Variants in CYP4Z1 observed in about 807,000 individuals in gnomAD.
The protein encoded by CYP4Z1 is cytochrome P450 family 4 subfamily Z member 1.
In CYP4Z1, 41 loss-of-function variants were observed where a neutral mutation model predicts 54.2. The ratio of observed to expected loss-of-function variants is 0.76; its 90% CI spans 0.59 to 0.98. The LOEUF (loss-of-function observed/expected upper bound fraction) is 0.98, where lower values mean the gene tolerates loss of function less well. CYP4Z1 is among the 50% of genes least tolerant of loss of function. The pLI is 0.00. For missense variants in CYP4Z1, 513 were observed against 599.0 expected, an observed-to-expected ratio of 0.86 and a Z score of 1.50; for synonymous variants, 163 against 206.2, an observed-to-expected ratio of 0.79 and a Z score of 1.79.
chr1:47,101,551 C>T (rs1310895593), intron 8 of CYP4Z1, among the ~76,000 whole-genome samples: 11 of 151,982 alleles, frequency 7.2e-5, no homozygotes, highest in Non-Finnish European at 4.4e-5. Flanking sequence ...TGTATTTGTA[C>T]AGTTTCTAGA....
chr1:47,088,048 C>G (rs982467460), intron 6 of CYP4Z1, among the ~76,000 whole-genome samples: 1 of 152,178 alleles, frequency 6.6e-6, no homozygotes, highest in Admixed American at 6.5e-5. Flanking sequence ...ATGAAGCCCA[C>G]TTGATCATGG....
At chr1:47,116,231 T>C (rs1305482935) in intron 10 of CYP4Z1, among the ~76,000 whole-genome samples, 3 of 152,172 alleles carry the variant, frequency 2.0e-5, no homozygotes, top group Non-Finnish European at 2.9e-5. Context: ...CACCCCTTTT[T>C]TCTTTGCCCA....
intron 10 of CYP4Z1, among the ~76,000 whole-genome samples, chr1:47,116,263 G>A (rs1382272738): frequency 6.6e-6 from 1 of 152,086 alleles, no homozygotes; most frequent in Non-Finnish European, 1.5e-5. Context: ...CAGTCCATTT[G>A]GAAACCAAGA....
intron 11 of CYP4Z1, 24 bp downstream of exon 11, chr1:47,116,756 T>A: frequency 6.5e-7 from 1 of 1,549,974 alleles, no homozygotes. Flanking sequence ...CTGGTGAACT[T>A]GATGGAAATG....
intron 7 of CYP4Z1, chr1:47,096,715 A>G (rs10890452): frequency 0.43 from 63,078 of 147,752 alleles, 14,592 homozygotes; most frequent in East Asian, 0.97. Flanking sequence ...TGCAAACTCC[A>G]CCTCCCAGGT....
chr1:47,065,898 A>G (rs1644447040), upstream of CYP4Z1, among the ~76,000 whole-genome samples: 1 of 152,154 alleles, frequency 6.6e-6, no homozygotes, highest in South Asian at 2.1e-4. Flanking sequence ...ACTTCCATGA[A>G]TGCCTTTATA....
At position 47,115,029 on chromosome 1, in the gene CYP4Z1, A is replaced by G. The variant is rs561032905; in HGVS notation, c.1202-500A>G. Among the ~76,000 whole-genome samples, 29 of 152,292 alleles carry G rather than the reference A, an allele frequency of 1.9e-4. No homozygotes were observed. In the South Asian group the frequency reaches 5.8e-3, roughly 30 times the overall value. ...TATTGTGGCACTATTCACAATAGCA[A>G]AGACTTGGAACCAACCCAAATGTCC... On this transcript the variant is annotated intron_variant, in intron 9 of 11. Coordinates refer to ENST00000334194, the MANE Select transcript of CYP4Z1 (RefSeq NM_178134.3).
intron 4 of CYP4Z1, 112 bp downstream of exon 4, chr1:47,082,573 G>C: frequency 6.8e-7 from 1 of 1,467,148 alleles, no homozygotes; most frequent in Non-Finnish European, 9.1e-7. Context: ...AGTTTATATG[G>C]GGTTATTTGA....
chr1:47,091,776 T>G (rs561853482), intron 6 of CYP4Z1, among the ~76,000 whole-genome samples: 3 of 149,870 alleles, frequency 2.0e-5, no homozygotes, highest in Non-Finnish European at 4.5e-5. Flanking sequence ...CTAGTAGAGC[T>G]GTTATGACGA....
chr1:47,106,213 T>A lies in CYP4Z1; in HGVS notation c.1153T>A (p.Leu385Ile). 1 of 1,613,774 alleles carries A rather than the reference T, an allele frequency of 6.2e-7. No homozygotes were observed. The highest frequency in any genetic ancestry group is 2.2e-5 in the East Asian group (1 of 44,870). ...CGCACCGGTAGTAAACATATCCCGG[T>A]TACTCGACAAACCCATCACCTTTCC... is the stretch of plus-strand genomic sequence containing the variant. ...LYAPVVNISR[L>I]LDKPITFPDG... The change falls in exon 9 of 12, where the codon TTA becomes ATA. Residue 385 changes from leucine (L) to isoleucine (I), a missense_variant. By Grantham distance (5) the Leu-to-Ile change is conservative. Coordinates refer to ENST00000334194, the MANE Select transcript of CYP4Z1 (RefSeq NM_178134.3).
In CYP4Z1 at chr1:47,094,512, G is replaced by C. The variant is rs1644662342; in HGVS notation, c.773-54G>C. The C allele has an allele frequency of 4.7e-6, 6 of 1,266,054 alleles. No individual in the cohort carries two copies. The Middle Eastern group carries it at 5.9e-4, about 124-fold the overall frequency. 78.4% of individuals were successfully genotyped at this position (1,266,054 alleles called of 1,614,324 possible). A position where few individuals can be genotyped will look rare whatever the true frequency, so the allele number is the denominator to read the frequency against. On this transcript the variant is annotated intron_variant, in intron 6 of 11. Transcript: ENST00000334194. The stretch of plus-strand genomic sequence containing the variant: ...GCTTCTCAGAACTACATTTGGCTTT[G>C]ATTGACTTTCCAGTAACCTTGATAA...
chr1:47,096,210 G>A (rs908119284), intron 7 of CYP4Z1, among the ~76,000 whole-genome samples: 1 of 152,128 alleles, frequency 6.6e-6, no homozygotes, highest in African/African-American at 2.4e-5. Flanking sequence ...TTAAGGCCAG[G>A]AGTCTGAGAC....
In CYP4Z1 at chr1:47,107,984, C is replaced by T. The variant is rs1219640220; in HGVS notation, c.1201+1723C>T. Among the ~76,000 whole-genome samples, 5 of 152,326 alleles carry T rather than the reference C, an allele frequency of 3.3e-5. No homozygotes were observed. In the East Asian group the frequency reaches 9.6e-4, roughly 29 times the overall value. On this transcript the variant is annotated intron_variant, in intron 9 of 11. Coordinates refer to ENST00000334194, the MANE Select transcript of CYP4Z1 (RefSeq NM_178134.3). ...ACTCAGTTTTAGGCTACTTATACGT[C>T]ATCTCTGGTCTCCTGCAGTCTCTGC...
chr1:47,113,658 A>C (rs953072517), intron 9 of CYP4Z1, among the ~76,000 whole-genome samples: 9 of 152,242 alleles, frequency 5.9e-5, no homozygotes, highest in Non-Finnish European at 1.2e-4. Context: ...ATAACAGGCA[A>C]ACAGAGAGCC....
intron 8 of CYP4Z1, among the ~76,000 whole-genome samples, chr1:47,102,954 C>G (rs1644730863): frequency 6.6e-6 from 1 of 151,976 alleles, no homozygotes; most frequent in South Asian, 2.1e-4. Flanking sequence ...TCTGGGACAC[C>G]AAAAATTTGA....
chr1:47,103,577 TTTTTTTTTC>T (rs1165777121), intron 8 of CYP4Z1, among the ~76,000 whole-genome samples: 99 of 143,844 alleles, frequency 6.9e-4, no homozygotes, highest in Middle Eastern at 3.6e-3. Context: ...ACCTTCTTCT[TTTTTTTTTC>T]TTTTTTTTCT....
At chr1:47,094,729 C>T in intron 7 of CYP4Z1, 60 bp downstream of exon 7, 8 of 1,308,324 alleles carry the variant, frequency 6.1e-6, no homozygotes, top group Non-Finnish European at 8.6e-6. Context: ...AAGAAATAGG[C>T]CGGGCACAGT....
chr1:47,068,575 C>T lies in CYP4Z1; in HGVS notation c.178-47C>T, dbSNP rs367742491. 8 of 1,604,194 alleles carry T rather than the reference C, an allele frequency of 5.0e-6. No individual in the cohort carries two copies. In the African/African-American group the frequency reaches 1.1e-4, roughly 21 times the overall value. On this transcript the variant is annotated intron_variant, in intron 1 of 11. Transcript: ENST00000334194. The stretch of plus-strand genomic sequence containing the variant: ...GTCCATCCGAGGGAAAGGGGTCCTC[C>T]TGGGGTGACAACCTTTACTAACCAG...
At chr1:47,063,297 A>C (rs916709233), upstream of CYP4Z1, among the ~76,000 whole-genome samples, 1 of 152,086 alleles carries the variant, frequency 6.6e-6, no homozygotes, top group Non-Finnish European at 1.5e-5. Flanking sequence ...AAGGAACCAG[A>C]AAAAAACAAT....
Sources: gnomAD v4.1 joint callset for allele counts (sites outside exome capture counted in the v4.1 genomes callset) on GRCh38, gnomAD v4.1.1 for gene constraint, MANE v1.5 for transcripts, NCBI Gene and HGNC (gene_info 2026-07-23, HGNC 2026-07-21) for gene names.